NBAS: variants seen among roughly 807,000 people sequenced by gnomAD.
NBAS encodes NAG/BC035112 fusion.
Under a neutral mutation model 302.5 loss-of-function variants are expected in NBAS, and 219 were observed. That is an observed-to-expected ratio of 0.72 (90% confidence interval 0.65 to 0.81). The LOEUF is 0.81. Ranked by LOEUF, NBAS falls within the 30% of genes least tolerant of loss-of-function variation. The pLI, the probability that NBAS is intolerant of heterozygous loss-of-function variation, is 0.00. For missense variants in NBAS, 2,932 were observed against 2,841.6 expected (o/e 1.03, Z -0.72); for synonymous variants, 1,118 against 1,021.6 (o/e 1.09, Z -1.80).
chr2:15,475,080 T>C (rs996359604), intron 14 of NBAS, among the ~76,000 whole-genome samples: 2 of 152,232 alleles, frequency 1.3e-5, no homozygotes, highest in Non-Finnish European at 2.9e-5. Context: ...TAAAGATAAC[T>C]TTCATTCCAG....
At chr2:14,922,555 A>T in the NBAS span, among the ~76,000 whole-genome samples, 1 of 152,114 alleles carries the variant, frequency 6.6e-6, no homozygotes, top group Non-Finnish European at 1.5e-5. Context: ...CTGTGCATGC[A>T]CATCCCTGGC....
intron 26 of NBAS, among the ~76,000 whole-genome samples, chr2:15,397,960 C>G (rs1438802120): frequency 6.6e-6 from 1 of 152,128 alleles, no homozygotes; most frequent in Non-Finnish European, 1.5e-5. Flanking sequence ...GTGCAACTTA[C>G]AAAGATTACA....
chr2:15,504,524 T>C (rs2148637105), intron 10 of NBAS, among the ~76,000 whole-genome samples: 1 of 152,298 alleles, frequency 6.6e-6, no homozygotes, highest in East Asian at 1.9e-4. Flanking sequence ...AAGGTTGCCA[T>C]TTTATCCTAA....
chr2:15,535,523 G>GGAAT (rs1663453301), intron 8 of NBAS, among the ~76,000 whole-genome samples: 1 of 99,754 alleles, frequency 1.0e-5, no homozygotes, highest in African/African-American at 4.4e-5. Context: ...CTCCGTCTCA[G>GGAAT]AAATAAATAA....
At chr2:15,299,176 C>A (rs1024964676) in intron 40 of NBAS, among the ~76,000 whole-genome samples, 1 of 152,092 alleles carries the variant, frequency 6.6e-6, no homozygotes, top group Non-Finnish European at 1.5e-5. Flanking sequence ...AGTGATATGG[C>A]AAAATAGCAC....
Position 15,234,479 on chromosome 2 carries a change from C to T in NBAS, c.6146+66G>A. ...TAAAATGCTTTTACATACAGGATGA[C>T]AGTTTAGCACCATCACTGACAAAGT... On this transcript the variant is annotated intron_variant, in intron 46 of 51. Coordinates refer to ENST00000281513, the MANE Select transcript of NBAS (RefSeq NM_015909.4). The T allele has an allele frequency of 9.3e-6, 14 of 1,503,518 alleles. No homozygotes were observed. In the South Asian group the frequency reaches 1.5e-4, roughly 16 times the overall value. The allele number at this position is 1,503,518 out of a possible 1,614,324, so 93.1% of individuals were successfully genotyped here.
the NBAS span, among the ~76,000 whole-genome samples, chr2:14,940,953 G>C: frequency 2.0e-5 from 3 of 152,160 alleles, no homozygotes; most frequent in Non-Finnish European, 2.9e-5. Context: ...TTACTGTCTA[G>C]GGCCCCTAGC....
intron 45 of NBAS, among the ~76,000 whole-genome samples, chr2:15,237,487 A>G (rs1667645983): frequency 6.6e-6 from 1 of 152,082 alleles, no homozygotes; most frequent in African/African-American, 2.4e-5. Flanking sequence ...TACGTTTAAC[A>G]AAAATACAGT....
At chr2:15,176,458 GACACACACAC>G (rs71400639) in intron 51 of NBAS, among the ~76,000 whole-genome samples, 2 of 149,224 alleles carry the variant, frequency 1.3e-5, no homozygotes, top group South Asian at 2.1e-4. Flanking sequence ...GTCACATGGA[GACACACACAC>G]ACACACACAC....
intron 13 of NBAS, 66 bp downstream of exon 13, chr2:15,478,160 A>G (rs1392001998): frequency 1.6e-5 from 18 of 1,142,878 alleles, no homozygotes; most frequent in Non-Finnish European, 2.4e-5. Flanking sequence ...TATATCATCC[A>G]AAGAGAATCT....
intron 44 of NBAS, among the ~76,000 whole-genome samples, chr2:15,251,923 C>G: frequency 6.6e-6 from 1 of 152,150 alleles, no homozygotes; most frequent in Non-Finnish European, 1.5e-5. Flanking sequence ...GATGGAGTTG[C>G]TCTGGTTCAA....
At chr2:15,464,020 C>T (rs1274759733) in intron 19 of NBAS, among the ~76,000 whole-genome samples, 1 of 152,044 alleles carries the variant, frequency 6.6e-6, no homozygotes, top group African/African-American at 2.4e-5. Flanking sequence ...GAATAAAAGA[C>T]ACACAACTGG....
chr2:14,884,791 G>A, the NBAS span, among the ~76,000 whole-genome samples: 1 of 152,182 alleles, frequency 6.6e-6, no homozygotes, highest in African/African-American at 2.4e-5. Context: ...GAAGGTGACT[G>A]GAAGATCATT....
At chr2:14,784,030 G>C in the NBAS span, among the ~76,000 whole-genome samples, 29 of 145,402 alleles carry the variant, frequency 2.0e-4, 1 homozygote, top group African/African-American at 6.3e-4. Context: ...GTGTGAGATG[G>C]TATCTCATTG....
chr2:15,110,740 C>T, the NBAS span, among the ~76,000 whole-genome samples: 1 of 152,100 alleles, frequency 6.6e-6, no homozygotes, highest in African/African-American at 2.4e-5. Context: ...AAGGAAAGGA[C>T]AGTCAGTGAC....
At chr2:15,354,247 C>T (rs553109592) in intron 33 of NBAS, among the ~76,000 whole-genome samples, 2 of 152,310 alleles carry the variant, frequency 1.3e-5, no homozygotes, top group Middle Eastern at 3.4e-3. Context: ...CAGAATCACT[C>T]ACTTTATAGA....
At chr2:15,172,538 C>A (rs1664346968) in intron 51 of NBAS, among the ~76,000 whole-genome samples, 1 of 152,168 alleles carries the variant, frequency 6.6e-6, no homozygotes, top group Admixed American at 6.5e-5. Context: ...AAACTCAGAA[C>A]TTACAATTCC....
chr2:15,208,029 T>C (rs201366614), intron 48 of NBAS, among the ~76,000 whole-genome samples: 1 of 101,012 alleles, frequency 9.9e-6, no homozygotes, highest in Admixed American at 1.4e-4. Context: ...AGCACCCAGA[T>C]ATATATAAAG....
At chr2:15,425,114 A>C (rs1003625073) in intron 22 of NBAS, among the ~76,000 whole-genome samples, 1 of 151,924 alleles carries the variant, frequency 6.6e-6, no homozygotes, top group East Asian at 1.9e-4. Flanking sequence ...GATCATGAGG[A>C]GTTTTTAACG....
Sources: allele counts gnomAD v4.1 joint callset (sites outside exome capture counted in the v4.1 genomes callset), GRCh38; gene constraint gnomAD v4.1.1; transcripts MANE v1.5; gene names NCBI Gene and HGNC (gene_info 2026-07-23, HGNC 2026-07-21).